PFKP: variants seen among roughly 807,000 people sequenced by gnomAD.
PFKP encodes phosphofructokinase, platelet, also known as ATP-dependent 6-phosphofructokinase, platelet type.
Under a neutral mutation model 94.3 loss-of-function variants are expected in PFKP, and 101 were observed. The observed-to-expected ratio is 1.07, with a 90% CI of 0.91 to 1.26. The LOEUF (loss-of-function observed/expected upper bound fraction) is 1.26. Ranked by LOEUF, PFKP falls within the 50% of genes most tolerant of loss-of-function variation. The pLI is 0.00. For missense variants in PFKP, 1,145 were observed against 1,103.3 expected, an observed-to-expected ratio of 1.04 and a Z score of -0.53; for synonymous variants, 573 against 432.6, an observed-to-expected ratio of 1.32 and a Z score of -4.03.
At chr10:3,100,660 A>G (rs1834903594) in intron 3 of PFKP, among the ~76,000 whole-genome samples, 1 of 152,106 alleles carries the variant, frequency 6.6e-6, no homozygotes, top group Admixed American at 6.5e-5. Flanking sequence ...GCACGCGCTT[A>G]GGGATCCCGT....
chr10:3,109,957 G>A (rs919875601), intron 10 of PFKP, among the ~76,000 whole-genome samples: 1 of 152,078 alleles, frequency 6.6e-6, no homozygotes, highest in Admixed American at 6.5e-5. Context: ...TTTTGTAGGG[G>A]AAGGTGGGAC....
intron 8 of PFKP, chr10:3,107,788 G>C: frequency 8.3e-7 from 1 of 1,197,816 alleles, no homozygotes; most frequent in Non-Finnish European, 1.1e-6. Context: ...CCTGGGAACA[G>C]GCTTTGGCAG....
At chr10:3,075,813 G>A (rs936057953) in intron 1 of PFKP, among the ~76,000 whole-genome samples, 8 of 150,438 alleles carry the variant, frequency 5.3e-5, no homozygotes, top group Middle Eastern at 3.4e-3. Context: ...ATTGAGGTGG[G>A]AGGATTGCCT....
chr10:3,134,248 G>A (rs973905058), intron 19 of PFKP, among the ~76,000 whole-genome samples: 1 of 152,214 alleles, frequency 6.6e-6, no homozygotes, highest in African/African-American at 2.4e-5. Context: ...AATGAAGATT[G>A]TTAGTTGACT....
In PFKP at chr10:3,133,235, ACTTCATTTACCAG is replaced by A; in HGVS notation, c.1946_1958del (p.Phe649CysfsTer70). On this transcript the variant is annotated frameshift_variant, in exon 19 of 22. Coordinates refer to ENST00000381125, the MANE Select transcript of PFKP (RefSeq NM_002627.5). LOFTEE classifies it high-confidence loss of function. ...AGCTGCAGTGAAAACTACACCACCG[ACTTCATTTACCAG>A]CTGTATTCAGAAGAGGGCAAAGGCG... 1 of 1,613,644 alleles carries A rather than the reference ACTTCATTTACCAG, an allele frequency of 6.2e-7. No homozygotes were observed. Among genetic ancestry groups the A allele is most frequent in the South Asian group, 1.1e-5 (1 of 91,074 alleles).
chr10:3,103,738 A>G, intron 4 of PFKP, 41 bp from the exon 5 acceptor site: 3 of 1,608,900 alleles, frequency 1.9e-6, no homozygotes, highest in Non-Finnish European at 2.6e-6. Flanking sequence ...CGAACGCGCC[A>G]TGGTTACGGC....
chr10:3,109,314 G>A, intron 9 of PFKP, 41 bp from the exon 10 acceptor site: 1 of 1,603,712 alleles, frequency 6.2e-7, no homozygotes, highest in Non-Finnish European at 8.5e-7. Flanking sequence ...GACAGGGCAG[G>A]ACGGGAGGCT....
chr10:3,097,378 C>A (rs1339364426), intron 2 of PFKP, among the ~76,000 whole-genome samples: 1 of 152,098 alleles, frequency 6.6e-6, no homozygotes, highest in Non-Finnish European at 1.5e-5. Context: ...ACTTGCTCAC[C>A]CTCGCCCTCC....
chr10:3,134,591 TCTGGGG>T lies in PFKP; in HGVS notation c.2122+10_2122+15del. The stretch of plus-strand genomic sequence containing the variant: ...GGAGGCCCGGGGCAGAGGTAAGGGG[TCTGGGG>T]AGGGAGGCCACAGCCTCGTGATGCA... On this transcript the variant is annotated intron_variant, in intron 20 of 21. Coordinates refer to ENST00000381125, the MANE Select transcript of PFKP (RefSeq NM_002627.5). 6.3e-7 allele frequency: 1 copy of T among 1,585,070 alleles called. No individual in the cohort carries two copies. Among genetic ancestry groups the T allele is most frequent in the Non-Finnish European group, 8.7e-7 (1 of 1,154,078 alleles).
At position 3,103,876 on chromosome 10, in the gene PFKP, C is replaced by T. The variant is rs932755055; in HGVS notation, c.552C>T (p.Thr184=). ...ATGATTTCTGCGGCACCGACATGAC[C>T]ATCGGCACGGACTCCGCCCTGCACA... is the stretch of plus-strand genomic sequence containing the variant. ...IDNDFCGTDM[T]IGTDSALHRI... is the part of the protein sequence containing the mutation. Residue 184 remains threonine (T), a synonymous_variant, in exon 5 of 22, where the codon ACC becomes ACT. Coordinates refer to ENST00000381125, the MANE Select transcript of PFKP (RefSeq NM_002627.5). 21 of 1,614,020 alleles carry T rather than the reference C, an allele frequency of 1.3e-5. No homozygotes were observed. Among genetic ancestry groups the T allele is most frequent in the Admixed American group, 1.7e-5 (1 of 60,032 alleles).
intron 1 of PFKP, among the ~76,000 whole-genome samples, chr10:3,072,653 T>C (rs1282941676): frequency 6.6e-6 from 1 of 151,968 alleles, no homozygotes; most frequent in East Asian, 1.9e-4. Flanking sequence ...GCTAGACATT[T>C]TGTCATCTTT....
intron 19 of PFKP, among the ~76,000 whole-genome samples, chr10:3,133,857 C>T (rs1371886198): frequency 1.3e-5 from 2 of 152,148 alleles, no homozygotes; most frequent in African/African-American, 2.4e-5. Flanking sequence ...ACCCCCATTA[C>T]TTGGAAATGC....
chr10:3,130,894 T>G (rs1838500497), intron 17 of PFKP, among the ~76,000 whole-genome samples: 2 of 88,314 alleles, frequency 2.3e-5, no homozygotes, highest in South Asian at 7.8e-4. Context: ...TACTTGTTTC[T>G]GAGCCAAATA....
chr10:3,101,539 G>C lies in PFKP; in HGVS notation c.439G>C (p.Glu147Gln), dbSNP rs1472008433. 6.4e-7 allele frequency: 1 copy of C among 1,552,926 alleles called. No individual in the cohort carries two copies. The highest frequency in any genetic ancestry group is 2.3e-5 in the East Asian group (1 of 43,908). Reference protein sequence around the residue: ...FRKEWSGLLEELARNGQIDKE... With the variant: ...FRKEWSGLLEQLARNGQIDKE... ...GAAGGAGTGGAGTGGGCTGCTGGAGGAGCTGGCCAGGAACGGTGAGTGGAC... is the reference window on the plus strand; with the variant it reads ...GAAGGAGTGGAGTGGGCTGCTGGAGCAGCTGGCCAGGAACGGTGAGTGGAC... The change falls in exon 4 of 22, where the codon GAG becomes CAG. Residue 147 changes from glutamate (E) to glutamine (Q), a missense_variant. Around this residue, in one of 3 missense-constraint regions of PFKP, gnomAD observed 1,119 missense variants for 1,062.8 expected, o/e 1.05. Coordinates refer to ENST00000381125, the MANE Select transcript of PFKP (RefSeq NM_002627.5).
At chr10:3,126,562 A>AC (rs1445191795) in intron 16 of PFKP, among the ~76,000 whole-genome samples, 3 of 151,716 alleles carry the variant, frequency 2.0e-5, no homozygotes, top group Non-Finnish European at 2.9e-5. Context: ...CAGGACCCCC[A>AC]CCCCCTGTCC....
chr10:3,084,898 C>T (rs867312483), intron 2 of PFKP, among the ~76,000 whole-genome samples: 8 of 94,504 alleles, frequency 8.5e-5, no homozygotes, highest in African/African-American at 3.5e-4. Context: ...GTCCCCCACT[C>T]CACTCTCCAG....
Position 3,136,623 on chromosome 10 carries a change from G to GTT in PFKP, c.*48_*49dup. The GTT allele has an allele frequency of 6.3e-7, 1 of 1,594,592 alleles. No individual in the cohort carries two copies. Among genetic ancestry groups the GTT allele is most frequent in the South Asian group, 1.1e-5 (1 of 89,484 alleles). On this transcript the variant is annotated 3_prime_UTR_variant, in exon 22 of 22. Transcript: ENST00000381125. Reference sequence around the variant, plus strand: ...TGCCTGCAGCCACCGTGGACTGTCTGTTTTTGTAACACTTAAGTTATTTTA... The same window carrying GTT: ...TGCCTGCAGCCACCGTGGACTGTCTGTTTTTTTGTAACACTTAAGTTATTTTA...
Position 3,118,863 on chromosome 10 carries a change from AT to A in PFKP, c.1526del (p.Phe509SerfsTer48). 6.2e-7 allele frequency: 1 copy of A among 1,612,122 alleles called. No individual in the cohort carries two copies. Among genetic ancestry groups the A allele is most frequent in the Non-Finnish European group, 8.5e-7 (1 of 1,178,496 alleles). ...TCAACGCGCTGCTGATCATCGGTGG[AT>A]TCGAGGTACGTTACCGTTTCTCTCT... ...SINALLIIGGFEAYLGLLELS... is the reference protein window; with the variant it reads ...SINALLIIGGXEAYLGLLELS... On this transcript the variant is annotated frameshift_variant, in exon 15 of 22. Transcript: ENST00000381125. LOFTEE classifies it high-confidence loss of function.
At chr10:3,111,364 G>A (rs1301856117) in intron 10 of PFKP, among the ~76,000 whole-genome samples, 1 of 152,118 alleles carries the variant, frequency 6.6e-6, no homozygotes, top group East Asian at 1.9e-4. Context: ...ACGTTAGTGT[G>A]TGCCTGTGTG....
Sources: allele counts gnomAD v4.1 joint callset (sites outside exome capture counted in the v4.1 genomes callset), GRCh38; gene constraint gnomAD v4.1.1; regional missense constraint gnomAD v4.1.1; transcripts MANE v1.5; gene names NCBI Gene and HGNC (gene_info 2026-07-23, HGNC 2026-07-21).